GAB3: variants seen among roughly 807,000 people sequenced by gnomAD.
GAB3 encodes the protein GRB2 associated binding protein 3.
GAB3 carries 12 observed loss-of-function variants against 40.4 expected under a neutral mutation model. That is an observed-to-expected ratio of 0.30 (90% CI 0.19 to 0.48). The LOEUF is 0.48. Among genes scored for constraint, GAB3 ranks in the 20% least tolerant of loss-of-function variants. The probability of loss-of-function intolerance (pLI) is 0.99; values close to 1 mark genes in which losing one functional copy is unlikely to be tolerated. For synonymous variants in GAB3, 154 were observed against 176.7 expected, an observed-to-expected ratio of 0.87 and a Z score of 1.02; for missense variants, 381 against 461.9, an observed-to-expected ratio of 0.82 and a Z score of 1.61.
chrX:154,740,556 C>A (rs193206809), intron 1 of GAB3, among the ~76,000 whole-genome samples: 11 of 111,140 alleles, frequency 9.9e-5, no homozygotes, highest in African/African-American at 3.3e-4. Flanking sequence ...GAGTGGAGGT[C>A]ACAAGGCGCC....
At chrX:154,718,756 T>TG (rs1235903468) in intron 1 of GAB3, among the ~76,000 whole-genome samples, 1 of 111,234 alleles carries the variant, frequency 9.0e-6, no homozygotes, top group East Asian at 2.8e-4. Flanking sequence ...GGAGGGAGCA[T>TG]GGGGTGCTCC....
intron 4 of GAB3, among the ~76,000 whole-genome samples, chrX:154,707,451 C>T (rs935152036): frequency 8.9e-6 from 1 of 111,813 alleles, no homozygotes; most frequent in Non-Finnish European, 1.9e-5. Flanking sequence ...CATATTGTAT[C>T]CCATAAATGT....
rs192939750 is a variant in GAB3, at chrX:154,731,072, G to A, written c.73-14743C>T. On this transcript the variant is annotated intron_variant, in intron 1 of 9. Transcript: ENST00000424127. ...ATGACATGGACTTGACCTTCCTCAT[G>A]TATTGTCAACCAAAGTGCCACTGAA... Among the ~76,000 whole-genome samples the A allele has an allele frequency of 4.5e-5, 5 of 112,172 alleles. No homozygotes were observed. The East Asian group carries it at 1.4e-3, about 31-fold the overall frequency.
At chrX:154,730,077 T>C (rs1376632370) in intron 1 of GAB3, among the ~76,000 whole-genome samples, 1 of 112,241 alleles carries the variant, frequency 8.9e-6, no homozygotes, top group Non-Finnish European at 1.9e-5. Context: ...AGTCATGTGC[T>C]AGAGCACTTT....
chrX:154,677,823 T>C lies in GAB3; in HGVS notation c.*355A>G, dbSNP rs2070316261. 3.8e-6 allele frequency: 1 copy of C among 261,809 alleles called. No homozygotes were observed. The highest frequency in any genetic ancestry group is 6.7e-6 in the Non-Finnish European group (1 of 148,479). 21.6% of individuals were successfully genotyped at this position (261,809 alleles called of 1,213,427 possible). On this transcript the variant is annotated 3_prime_UTR_variant, in exon 10 of 10. Coordinates refer to ENST00000424127, the MANE Select transcript of GAB3 (RefSeq NM_001081573.3). ...GCCCCTTTGCTAGGATAATTTATCATTCTCATTGAAGCACAGGAGAGAAGT... is the reference window on the plus strand; with the variant it reads ...GCCCCTTTGCTAGGATAATTTATCACTCTCATTGAAGCACAGGAGAGAAGT...
chrX:154,712,116 A>C, intron 4 of GAB3, 113 bp downstream of exon 4: 1 of 519,807 alleles, frequency 1.9e-6, no homozygotes, highest in Non-Finnish European at 3.2e-6. Flanking sequence ...ACATCAAGGT[A>C]ATTCTAACCC....
At chrX:154,701,272 T>C (rs1557252186) in intron 4 of GAB3, among the ~76,000 whole-genome samples, 1 of 112,444 alleles carries the variant, frequency 8.9e-6, no homozygotes, top group African/African-American at 3.2e-5. Context: ...TATTATGGAA[T>C]AATTTCTCAT....
At chrX:154,709,621 A>C (rs1215877443) in intron 4 of GAB3, among the ~76,000 whole-genome samples, 1 of 110,307 alleles carries the variant, frequency 9.1e-6, no homozygotes, top group African/African-American at 3.3e-5. Flanking sequence ...CCAGCCTCAA[A>C]TAGTTCTTTA....
chrX:154,708,967 GTCCCCC>G (rs2070862878), intron 4 of GAB3, among the ~76,000 whole-genome samples: 1 of 111,686 alleles, frequency 9.0e-6, no homozygotes, highest in Non-Finnish European at 1.9e-5. Flanking sequence ...TTGGCCCTGT[GTCCCCC>G]ACAAATCTCA....
In GAB3 at chrX:154,696,039, T is replaced by C; in HGVS notation, c.1428-20A>G. 1 of 1,033,907 alleles carries C rather than the reference T, an allele frequency of 9.7e-7. No homozygotes were observed. Among genetic ancestry groups the C allele is most frequent in the Non-Finnish European group, 1.4e-6 (1 of 739,970 alleles). 85.2% of individuals were successfully genotyped at this position (1,033,907 alleles called of 1,213,427 possible). On this transcript the variant is annotated intron_variant, in intron 7 of 9. Transcript: ENST00000424127. ...CGACTGCTAAGAATAAAAATATAGA[T>C]GAGGTCAAAGCAATGTCTTACAGCT... is the stretch of plus-strand genomic sequence containing the variant.
intron 1 of GAB3, among the ~76,000 whole-genome samples, chrX:154,742,245 T>C (rs1233907245): frequency 1.8e-5 from 2 of 112,122 alleles, no homozygotes; most frequent in Non-Finnish European, 3.8e-5. Context: ...TGGAATGCCA[T>C]TAAAGCAGTG....
chrX:154,697,464 C>T (rs1371108980), intron 6 of GAB3, among the ~76,000 whole-genome samples: 3 of 111,888 alleles, frequency 2.7e-5, no homozygotes, highest in Non-Finnish European at 5.6e-5. Flanking sequence ...GTATATCACG[C>T]GTGCTTCTAG....
Position 154,676,341 on chromosome X carries a change from A to G in GAB3, c.*1837T>C, listed in dbSNP as rs1557245542. 1.8e-5 allele frequency: 2 copies of G among 111,517 alleles called. No individual in the cohort carries two copies. The highest frequency in any genetic ancestry group is 1.9e-4 in the Admixed American group (2 of 10,521). 9.2% of individuals were successfully genotyped at this position (111,517 alleles called of 1,213,427 possible). A position where few individuals can be genotyped will look rare whatever the true frequency, so the allele number is the denominator to read the frequency against. The stretch of plus-strand genomic sequence containing the variant: ...GCTCCACACGAGGGAACTACCCTCC[A>G]TGGGAACTAGCAGTTTGAAGCCCTG... On this transcript the variant is annotated 3_prime_UTR_variant, in exon 10 of 10. Coordinates refer to ENST00000424127, the MANE Select transcript of GAB3 (RefSeq NM_001081573.3).
chrX:154,695,012 C>G (rs2070633441), intron 8 of GAB3, among the ~76,000 whole-genome samples: 1 of 112,083 alleles, frequency 8.9e-6, no homozygotes, highest in East Asian at 2.8e-4. Flanking sequence ...TATAGCTTAA[C>G]TGGAGATTAC....
In GAB3 at chrX:154,712,188, C is replaced by T. The variant is rs781791014; in HGVS notation, c.1069+41G>A. The T allele has an allele frequency of 2.3e-5, 23 of 1,019,008 alleles. No individual in the cohort carries two copies. In the African/African-American group the frequency reaches 2.7e-4, roughly 12 times the overall value. The allele number at this position is 1,019,008 out of a possible 1,213,427, so 84.0% of individuals were successfully genotyped here. A position where few individuals can be genotyped will look rare whatever the true frequency, so the allele number is the denominator to read the frequency against. On this transcript the variant is annotated intron_variant, in intron 4 of 9. Transcript: ENST00000424127. ...TGGGCACAAAGAGTGAAGAGGAGCC[C>T]GGGTTTTCTTGGCGCCTGAATCTTA...
At chrX:154,750,129 T>C in intron 1 of GAB3, among the ~76,000 whole-genome samples, 1 of 112,808 alleles carries the variant, frequency 8.9e-6, no homozygotes, top group East Asian at 2.8e-4. Context: ...CAAGAAGTCC[T>C]AATAGCTATT....
At chrX:154,715,447 A>G (rs1293286511) in intron 2 of GAB3, among the ~76,000 whole-genome samples, 5 of 109,865 alleles carry the variant, frequency 4.6e-5, no homozygotes, top group Non-Finnish European at 9.5e-5. Context: ...AGAGAGAGAG[A>G]GAGAGAGACT....
chrX:154,683,908 T>C (rs1256870647), intron 8 of GAB3, among the ~76,000 whole-genome samples: 4 of 111,957 alleles, frequency 3.6e-5, no homozygotes, highest in Admixed American at 9.5e-5. Context: ...CAATCTTCCA[T>C]TTGAGGTTCA....
In GAB3 at chrX:154,690,417, C is replaced by T. The variant is rs185814586; in HGVS notation, c.1530+5500G>A. Among the ~76,000 whole-genome samples the T allele has an allele frequency of 8.0e-4, 89 of 111,564 alleles. 1 individual carries two copies. In the South Asian group the frequency reaches 0.011, roughly 13 times the overall value. On this transcript the variant is annotated intron_variant, in intron 8 of 9. Transcript: ENST00000424127. ...GCAACCAAAGCCAAAATTGACAAATCGGAACTAATTAAACTAAAGAGCTTC... is the reference window on the plus strand; with the variant it reads ...GCAACCAAAGCCAAAATTGACAAATTGGAACTAATTAAACTAAAGAGCTTC...
Sources: gnomAD v4.1 joint callset for allele counts (sites outside exome capture counted in the v4.1 genomes callset) on GRCh38, gnomAD v4.1.1 for gene constraint, MANE v1.5 for transcripts, NCBI Gene and HGNC (gene_info 2026-07-23, HGNC 2026-07-21) for gene names.